The following ANK2 variants were observed in gnomAD, a reference collection of about 807,000 sequenced individuals.
ANK2 encodes ankyrin-2.
A neutral mutation model predicts 360.5 loss-of-function variants in ANK2; 83 were observed. The observed-to-expected ratio is 0.23, with a 90% CI of 0.19 to 0.28. The LOEUF (loss-of-function observed/expected upper bound fraction) is 0.28. Among genes scored for constraint, ANK2 ranks in the 10% least tolerant of loss-of-function variants. The pLI is 1.00. For synonymous variants in ANK2, 1,740 were observed against 1,759.5 expected (o/e 0.99, Z 0.28); for missense variants, 4,201 against 4,795.7 (o/e 0.88, Z 3.66).
At chr4:113,084,053 C>T (rs313971) in intron 1 of ANK2, among the ~76,000 whole-genome samples, 48 of 152,012 alleles carry the variant, frequency 3.2e-4, no homozygotes, top group Non-Finnish European at 6.2e-4. Flanking sequence ...TGTGTTTACA[C>T]GGTCATCTTG....
intron 7 of ANK2, among the ~76,000 whole-genome samples, chr4:113,239,490 T>G (rs1043744686): frequency 6.6e-6 from 1 of 152,148 alleles, no homozygotes; most frequent in Non-Finnish European, 1.5e-5. Flanking sequence ...CAGGATGTGA[T>G]AGCCAAATAA....
the ANK2 span, among the ~76,000 whole-genome samples, chr4:112,810,037 T>A: frequency 6.6e-6 from 1 of 150,842 alleles, no homozygotes; most frequent in Non-Finnish European, 1.5e-5. Flanking sequence ...TTACTTTATT[T>A]TTTTAAAGCA....
In ANK2 at chr4:113,355,454, A is replaced by G. The variant is rs1376116147; in HGVS notation, c.6836A>G (p.His2279Arg). The G allele has an allele frequency of 3.7e-6, 6 of 1,613,866 alleles. No individual in the cohort carries two copies. The highest frequency in any genetic ancestry group is 1.6e-4 in the Middle Eastern group (1 of 6,082). The stretch of plus-strand genomic sequence containing the variant: ...ACAGAAATTCGTTCAGAAAAAGAGC[A>G]TCCCACGACCAAAGACATTACTGGT... The part of the protein sequence containing the change: ...TTTEIRSEKE[H>R]PTTKDITGGS... The change falls in exon 38 of 46, where the codon CAT becomes CGT. Residue 2279 changes from histidine to arginine, a missense_variant. His to Arg is a conservative substitution (Grantham distance 29). This residue lies in a region of ANK2 where 2,642 missense variants were observed against 2,714.5 expected (regional missense o/e 0.97). Coordinates refer to ENST00000357077, the MANE Select transcript of ANK2 (RefSeq NM_001148.6).
chr4:112,741,493 C>A, the ANK2 span, among the ~76,000 whole-genome samples: 2 of 152,206 alleles, frequency 1.3e-5, no homozygotes, highest in East Asian at 3.9e-4. Context: ...CCCTCTTTAG[C>A]GATAGGGTGG....
chr4:113,136,761 C>CT (rs112865867), intron 1 of ANK2, among the ~76,000 whole-genome samples: 75,338 of 139,640 alleles, frequency 0.54, 20,195 homozygotes, highest in Admixed American at 0.62. Flanking sequence ...AGGATTTTGG[C>CT]TTTTTTTTTT....
intron 2 of ANK2, among the ~76,000 whole-genome samples, chr4:112,949,089 C>T (rs986668352): frequency 6.6e-6 from 1 of 152,116 alleles, no homozygotes; most frequent in Non-Finnish European, 1.5e-5. Context: ...CTGTTGGGGT[C>T]CTTTTGCACC....
chr4:113,141,288 TGAG>T (rs1391131276), intron 1 of ANK2: 4 of 152,158 alleles, frequency 2.6e-5, no homozygotes, highest in African/African-American at 7.2e-5. Flanking sequence ...ATCCTCCCTG[TGAG>T]TCTGTCAGGG....
chr4:113,225,225 A>G (rs2099202820), intron 4 of ANK2, among the ~76,000 whole-genome samples: 1 of 152,146 alleles, frequency 6.6e-6, no homozygotes, highest in Non-Finnish European at 1.5e-5. Flanking sequence ...TCACGGAGTT[A>G]ATTGCTCAGT....
At chr4:112,842,256 C>A (rs1199330039) in intron 1 of ANK2, among the ~76,000 whole-genome samples, 1 of 152,166 alleles carries the variant, frequency 6.6e-6, no homozygotes, top group East Asian at 1.9e-4. Flanking sequence ...GTGATCCGCC[C>A]ACCTCAGCCT....
chr4:113,174,269 T>G, intron 1 of ANK2, 147 bp from the exon 2 acceptor site: 1 of 631,892 alleles, frequency 1.6e-6, no homozygotes, highest in East Asian at 3.3e-5. Flanking sequence ...ATATAGTGAA[T>G]GATTATTCAA....
intron 1 of ANK2, among the ~76,000 whole-genome samples, chr4:113,074,479 A>T (rs1055647758): frequency 2.0e-5 from 3 of 152,210 alleles, no homozygotes; most frequent in African/African-American, 7.2e-5. Context: ...TCAACAGCTG[A>T]TATAAAAGGA....
chr4:112,872,865 T>A (rs114209455), intron 1 of ANK2, among the ~76,000 whole-genome samples: 2,147 of 151,096 alleles, frequency 0.014, 30 homozygotes, highest in African/African-American at 0.036. Flanking sequence ...GTGAAAAAAA[T>A]TTTTTTTTTA....
chr4:113,096,530 G>C (rs958293113), intron 1 of ANK2, among the ~76,000 whole-genome samples: 7 of 152,116 alleles, frequency 4.6e-5, no homozygotes, highest in African/African-American at 1.7e-4. Context: ...ATCACAAAAA[G>C]TGGATAGCAG....
At chr4:113,089,771 C>T (rs1463700694) in intron 1 of ANK2, among the ~76,000 whole-genome samples, 3 of 152,054 alleles carry the variant, frequency 2.0e-5, no homozygotes, top group Non-Finnish European at 4.4e-5. Context: ...TTGCAGTGAG[C>T]CGAGATCGCA....
At chr4:112,720,019 G>A in the ANK2 span, among the ~76,000 whole-genome samples, 1 of 152,142 alleles carries the variant, frequency 6.6e-6, no homozygotes, top group Non-Finnish European at 1.5e-5. Context: ...ATCCTAAAGA[G>A]CTGTACTTAT....
chr4:112,809,325 G>A, the ANK2 span, among the ~76,000 whole-genome samples: 14 of 150,918 alleles, frequency 9.3e-5, no homozygotes, highest in Admixed American at 9.2e-4. Flanking sequence ...ACTTTGGGAG[G>A]CCGAGACGGA....
chr4:112,881,463 A>G (rs937776655), intron 1 of ANK2, among the ~76,000 whole-genome samples: 3 of 152,218 alleles, frequency 2.0e-5, no homozygotes, highest in Admixed American at 6.5e-5. Context: ...ATGGAATTGT[A>G]TACTGTTGTT....
chr4:113,028,832 G>A (rs1389191979), intron 2 of ANK2, among the ~76,000 whole-genome samples: 2 of 152,034 alleles, frequency 1.3e-5, no homozygotes, highest in East Asian at 3.9e-4. Flanking sequence ...ACTAACTCCC[G>A]GGTTGCAGGA....
At chr4:112,746,927 G>C in the ANK2 span, among the ~76,000 whole-genome samples, 1 of 152,074 alleles carries the variant, frequency 6.6e-6, no homozygotes, top group Non-Finnish European at 1.5e-5. Context: ...TAGAACTAAG[G>C]CTGTATAACT....
Sources: gnomAD v4.1 joint callset for allele counts (sites outside exome capture counted in the v4.1 genomes callset) on GRCh38, gnomAD v4.1.1 for gene constraint, gnomAD v4.1.1 regional missense constraint, MANE v1.5 for transcripts, NCBI Gene and HGNC (gene_info 2026-07-23, HGNC 2026-07-21) for gene names.